ASIC2: variants seen among roughly 807,000 people sequenced by gnomAD.
ASIC2 encodes the protein acid-sensing ion channel 2.
A neutral mutation model predicts 57.3 loss-of-function variants in ASIC2; 25 were observed. The ratio of observed to expected loss-of-function variants is 0.44; its 90% CI spans 0.32 to 0.61. The LOEUF is 0.61. Ranked by LOEUF, ASIC2 falls within the 20% of genes least tolerant of loss-of-function variation. The probability of loss-of-function intolerance (pLI) is 0.06; values close to 1 mark genes in which losing one functional copy is unlikely to be tolerated. For missense variants in ASIC2, 641 were observed against 738.1 expected, an observed-to-expected ratio of 0.87 and a Z score of 1.52; for synonymous variants, 319 against 307.5, an observed-to-expected ratio of 1.04 and a Z score of -0.39.
intron 1 of ASIC2, among the ~76,000 whole-genome samples, chr17:33,946,297 G>T (rs1348963873): frequency 6.7e-6 from 1 of 149,888 alleles, no homozygotes; most frequent in Admixed American, 6.7e-5. Flanking sequence ...GGTGAAAGAC[G>T]ACTGGGACAG....
chr17:33,804,220 A>G (rs1332539165), intron 1 of ASIC2, among the ~76,000 whole-genome samples: 2 of 152,230 alleles, frequency 1.3e-5, no homozygotes, highest in Non-Finnish European at 2.9e-5. Flanking sequence ...ATATTTACCC[A>G]TTTAATAACT....
chr17:33,743,901 G>C lies in ASIC2; in HGVS notation c.555+412077C>G, dbSNP rs118072941. ...GACAGTCTTTGCCCCAAGTACAACA[G>C]GCTGTGAATACTGGAGCCCTAAATT... On this transcript the variant is annotated intron_variant, in intron 1 of 9. Transcript: ENST00000359872. Among the ~76,000 whole-genome samples, 69 of 152,266 alleles carry C rather than the reference G, an allele frequency of 4.5e-4. 1 individual carries two copies. The East Asian group carries it at 0.012, about 26-fold the overall frequency.
intron 2 of ASIC2, among the ~76,000 whole-genome samples, chr17:33,094,329 G>T (rs996412611): frequency 6.6e-6 from 1 of 152,138 alleles, no homozygotes; most frequent in African/African-American, 2.4e-5. Flanking sequence ...GTTGGGGGCT[G>T]GAGGGAGAGC....
intron 1 of ASIC2, among the ~76,000 whole-genome samples, chr17:33,721,811 A>C (rs1049171565): frequency 3.0e-4 from 46 of 152,288 alleles, no homozygotes; most frequent in African/African-American, 1.1e-3. Flanking sequence ...TTCCAGAGAG[A>C]GGAAAGAGTG....
chr17:33,863,900 G>T (rs1447074960), intron 1 of ASIC2, among the ~76,000 whole-genome samples: 117 of 72,456 alleles, frequency 1.6e-3, no homozygotes, highest in African/African-American at 2.2e-3. Flanking sequence ...CTCTTTTTTT[G>T]TTTTTTTTTT....
intron 1 of ASIC2, among the ~76,000 whole-genome samples, chr17:34,052,699 C>A (rs970048857): frequency 2.0e-5 from 3 of 151,948 alleles, no homozygotes; most frequent in Admixed American, 1.3e-4. Flanking sequence ...TCACTGCAAC[C>A]TCTGCCTCCC....
intron 1 of ASIC2, among the ~76,000 whole-genome samples, chr17:34,114,511 G>A (rs1352241423): frequency 6.6e-6 from 1 of 152,172 alleles, no homozygotes; most frequent in Non-Finnish European, 1.5e-5. Flanking sequence ...ACCTGACTCT[G>A]CCACTCACTT....
chr17:33,826,415 C>T lies in ASIC2; in HGVS notation c.555+329563G>A, dbSNP rs908643720. ...GTTTCTAAAATCAGGGCTATAGCAA[C>T]TCCAACCATCTGTCCACCAACCATA... On this transcript the variant is annotated intron_variant, in intron 1 of 9. Transcript: ENST00000359872. Among the ~76,000 whole-genome samples the T allele has an allele frequency of 2.6e-5, 4 of 152,302 alleles. No homozygotes were observed. In the South Asian group the frequency reaches 8.3e-4, roughly 32 times the overall value.
chr17:33,072,246 C>T (rs1354438610), intron 3 of ASIC2, among the ~76,000 whole-genome samples: 1 of 152,194 alleles, frequency 6.6e-6, no homozygotes, highest in African/African-American at 2.4e-5. Flanking sequence ...TATTTCTCAT[C>T]TCTTTGGGGT....
intron 3 of ASIC2, among the ~76,000 whole-genome samples, chr17:33,062,924 C>G (rs945838630): frequency 1.3e-5 from 2 of 152,180 alleles, no homozygotes; most frequent in African/African-American, 4.8e-5. Context: ...TAATGGCCTT[C>G]TTTGTCTCTT....
intron 1 of ASIC2, among the ~76,000 whole-genome samples, chr17:33,966,853 G>T (rs1289583488): frequency 6.6e-6 from 1 of 152,208 alleles, no homozygotes; most frequent in African/African-American, 2.4e-5. Context: ...GCTTTGCACT[G>T]ATAATTTTAT....
intron 1 of ASIC2, among the ~76,000 whole-genome samples, chr17:33,834,854 T>C (rs1227481771): frequency 6.6e-6 from 1 of 152,168 alleles, no homozygotes. Context: ...GCCCAGGCAG[T>C]GTCCTGTTCA....
chr17:33,030,792 A>G (rs1415416990), intron 3 of ASIC2, among the ~76,000 whole-genome samples: 2 of 152,116 alleles, frequency 1.3e-5, no homozygotes, highest in East Asian at 1.9e-4. Flanking sequence ...CCTTCATTCT[A>G]TTAACACAGT....
intron 1 of ASIC2, among the ~76,000 whole-genome samples, chr17:33,466,695 A>T (rs1912876022): frequency 6.6e-6 from 1 of 152,170 alleles, no homozygotes; most frequent in South Asian, 2.1e-4. Flanking sequence ...AACGCCACAC[A>T]TCTACAATGA....
At chr17:33,155,663 A>T (rs1456885522) in intron 1 of ASIC2, among the ~76,000 whole-genome samples, 1 of 148,894 alleles carries the variant, frequency 6.7e-6, no homozygotes, top group Non-Finnish European at 1.5e-5. Context: ...GGGTTCAAGC[A>T]ATTCTCCTGC....
At chr17:33,177,958 T>C in intron 1 of ASIC2, among the ~76,000 whole-genome samples, 1 of 152,068 alleles carries the variant, frequency 6.6e-6, no homozygotes, top group East Asian at 1.9e-4. Context: ...GGGCCTTTTC[T>C]CCAGGAAAAA....
intron 1 of ASIC2, among the ~76,000 whole-genome samples, chr17:33,351,395 C>T (rs1245913923): frequency 1.3e-5 from 2 of 152,170 alleles, no homozygotes; most frequent in East Asian, 3.9e-4. Flanking sequence ...CATCTCTTCT[C>T]ATGCTGCCAC....
In ASIC2 at chr17:34,064,512, G is replaced by A. The variant is rs189835667; in HGVS notation, c.555+91466C>T. On this transcript the variant is annotated intron_variant, in intron 1 of 9. Transcript: ENST00000359872. ...AACTCAAAAGCAAACACAATAAAAA[G>A]AGATAAATAGCTGGGACCTAATCAA... 1.2e-4 allele frequency among the ~76,000 whole-genome samples: 19 copies of A among 152,076 alleles called. No homozygotes were observed. In the South Asian group the frequency reaches 2.9e-3, roughly 23 times the overall value.
At chr17:33,347,398 G>T (rs572090245) in intron 1 of ASIC2, among the ~76,000 whole-genome samples, 1 of 152,152 alleles carries the variant, frequency 6.6e-6, no homozygotes. Context: ...TGAAACAGTC[G>T]TTACAAAGAA....
Sources: allele counts gnomAD v4.1 joint callset (sites outside exome capture counted in the v4.1 genomes callset), GRCh38; gene constraint gnomAD v4.1.1; transcripts MANE v1.5; gene names NCBI Gene and HGNC (gene_info 2026-07-23, HGNC 2026-07-21).